The following MACROD2 variants were observed in gnomAD, a reference collection of about 807,000 sequenced individuals.
MACROD2 encodes the protein mono-ADP ribosylhydrolase 2, also known as ADP-ribose glycohydrolase MACROD2.
Under a neutral mutation model 70.4 loss-of-function variants are expected in MACROD2, and 36 were observed. The observed-to-expected ratio is 0.51, with a 90% CI of 0.39 to 0.68. The LOEUF (loss-of-function observed/expected upper bound fraction) is 0.68. Among genes scored for constraint, MACROD2 ranks in the 30% least tolerant of loss-of-function variants. The pLI is 0.00. For synonymous variants in MACROD2, 172 were observed against 178.8 expected, an observed-to-expected ratio of 0.96 and a Z score of 0.30; for missense variants, 496 against 538.4, an observed-to-expected ratio of 0.92 and a Z score of 0.78.
chr20:14,506,735 G>A (rs1252821847), intron 4 of MACROD2, among the ~76,000 whole-genome samples: 1 of 152,136 alleles, frequency 6.6e-6, no homozygotes, highest in Non-Finnish European at 1.5e-5. Flanking sequence ...CAGACAACGA[G>A]GTCAGGAAAG....
chr20:15,550,490 A>T (rs2048080801), intron 8 of MACROD2, among the ~76,000 whole-genome samples: 1 of 152,092 alleles, frequency 6.6e-6, no homozygotes. Context: ...ATTATTTGTA[A>T]TTAAAAGTTT....
intron 8 of MACROD2, among the ~76,000 whole-genome samples, chr20:15,555,166 G>A (rs1266598781): frequency 6.6e-6 from 1 of 152,122 alleles, no homozygotes; most frequent in Non-Finnish European, 1.5e-5. Context: ...GGAGTGAGAG[G>A]CGGCCAGGGG....
chr20:14,232,727 G>A (rs898647046), intron 3 of MACROD2, among the ~76,000 whole-genome samples: 1 of 152,218 alleles, frequency 6.6e-6, no homozygotes, highest in Non-Finnish European at 1.5e-5. Context: ...CTCCACATCA[G>A]CAATAGGGCT....
chr20:14,829,947 T>G (rs947992915), intron 5 of MACROD2, among the ~76,000 whole-genome samples: 18 of 152,136 alleles, frequency 1.2e-4, no homozygotes, highest in Non-Finnish European at 2.2e-4. Flanking sequence ...TTATGATAAA[T>G]TGATGCAGAA....
intron 5 of MACROD2, among the ~76,000 whole-genome samples, chr20:15,144,134 T>C (rs920764951): frequency 3.9e-5 from 6 of 152,124 alleles, no homozygotes; most frequent in Non-Finnish European, 7.3e-5. Flanking sequence ...GTATATATTT[T>C]TAATTTTAAT....
At chr20:15,545,270 T>TA (rs2146575740) in intron 8 of MACROD2, among the ~76,000 whole-genome samples, 1 of 152,366 alleles carries the variant, frequency 6.6e-6, no homozygotes, top group South Asian at 2.1e-4. Flanking sequence ...GCCTTCTTAA[T>TA]ATGAAGGTTT....
At chr20:14,205,542 G>A (rs889497234) in intron 3 of MACROD2, among the ~76,000 whole-genome samples, 1 of 152,180 alleles carries the variant, frequency 6.6e-6, no homozygotes, top group African/African-American at 2.4e-5. Flanking sequence ...GCGCATGCGG[G>A]CCCTTAGTCT....
intron 5 of MACROD2, among the ~76,000 whole-genome samples, chr20:15,122,075 A>G (rs748277800): frequency 2.0e-5 from 3 of 152,214 alleles, no homozygotes; most frequent in Non-Finnish European, 4.4e-5. Context: ...CACATTAATG[A>G]TAGCTTAAAA....
At chr20:15,804,734 C>A (rs1197886571) in intron 8 of MACROD2, among the ~76,000 whole-genome samples, 1 of 152,162 alleles carries the variant, frequency 6.6e-6, no homozygotes. Context: ...GCACTCCAAT[C>A]TCATGGAAGC....
At chr20:14,940,752 T>G (rs1458159492) in intron 5 of MACROD2, among the ~76,000 whole-genome samples, 2 of 152,202 alleles carry the variant, frequency 1.3e-5, no homozygotes, top group East Asian at 3.9e-4. Context: ...TTCCACCTGA[T>G]CTTGGTGAAT....
chr20:15,344,250 C>T (rs556967377), intron 6 of MACROD2, among the ~76,000 whole-genome samples: 3 of 152,234 alleles, frequency 2.0e-5, no homozygotes, highest in South Asian at 2.1e-4. Flanking sequence ...TCTCTCTAAT[C>T]GTTTTACTAG....
chr20:15,126,349 A>G (rs1335129780), intron 5 of MACROD2, among the ~76,000 whole-genome samples: 2 of 151,930 alleles, frequency 1.3e-5, no homozygotes, highest in African/African-American at 2.4e-5. Flanking sequence ...GGTTGCCAAC[A>G]CTTGTAGTTT....
chr20:15,807,822 G>A lies in MACROD2; in HGVS notation c.646-54923G>A, dbSNP rs192280692. Among the ~76,000 whole-genome samples the A allele has an allele frequency of 3.7e-3, 558 of 152,098 alleles. 2 individuals carry two copies. Among genetic ancestry groups the A allele is most frequent in the African/African-American group, 0.012 (478 of 41,476 alleles). ...AAGGGACCTAAGTGCATGTAAGGGA[G>A]GAGACCACCCCTTATATTGTCTTAT... is the stretch of plus-strand genomic sequence containing the variant. On this transcript the variant is annotated intron_variant, in intron 8 of 17. Coordinates refer to ENST00000684519, the MANE Select transcript of MACROD2 (RefSeq NM_001351661.2).
intron 5 of MACROD2, among the ~76,000 whole-genome samples, chr20:14,853,741 G>A (rs951045380): frequency 6.6e-6 from 1 of 152,104 alleles, no homozygotes; most frequent in Non-Finnish European, 1.5e-5. Context: ...GAAGCACTGT[G>A]GTGGTGGCCA....
At chr20:15,563,725 A>C (rs1568894909) in intron 8 of MACROD2, among the ~76,000 whole-genome samples, 1 of 152,232 alleles carries the variant, frequency 6.6e-6, no homozygotes, top group Non-Finnish European at 1.5e-5. Context: ...GCACACTTCT[A>C]GCTCTTTGCT....
chr20:14,682,510 G>A (rs886745261), intron 4 of MACROD2, among the ~76,000 whole-genome samples: 5 of 151,078 alleles, frequency 3.3e-5, no homozygotes, highest in African/African-American at 7.3e-5. Flanking sequence ...ATATATGTAC[G>A]TGTGTGTATA....
At chr20:15,016,307 A>T (rs1006995073) in intron 5 of MACROD2, among the ~76,000 whole-genome samples, 1 of 152,164 alleles carries the variant, frequency 6.6e-6, no homozygotes, top group Non-Finnish European at 1.5e-5. Context: ...GGTCTAGATG[A>T]CACTTCAAAG....
chr20:14,504,878 T>G (rs2084952125), intron 4 of MACROD2, among the ~76,000 whole-genome samples: 1 of 152,220 alleles, frequency 6.6e-6, no homozygotes, highest in Admixed American at 6.5e-5. Flanking sequence ...CAGACAATCA[T>G]TATTCGGTGT....
At chr20:14,200,170 A>G (rs2081467267) in intron 3 of MACROD2, among the ~76,000 whole-genome samples, 1 of 152,208 alleles carries the variant, frequency 6.6e-6, no homozygotes, top group Non-Finnish European at 1.5e-5. Context: ...AATCTGGTAC[A>G]TATATACCAT....
Sources: allele counts gnomAD v4.1 joint callset (sites outside exome capture counted in the v4.1 genomes callset), GRCh38; gene constraint gnomAD v4.1.1; transcripts MANE v1.5; gene names NCBI Gene and HGNC (gene_info 2026-07-23, HGNC 2026-07-21).